Variants in NPAS3 observed in about 807,000 individuals in gnomAD.
NPAS3 encodes the protein neuronal PAS domain-containing protein 3.
A neutral mutation model predicts 73.1 loss-of-function variants in NPAS3; 14 were observed. That is an observed-to-expected ratio of 0.19 (90% CI 0.13 to 0.30). The LOEUF (loss-of-function observed/expected upper bound fraction) is 0.30. Among genes scored for constraint, NPAS3 ranks in the 10% least tolerant of loss-of-function variants. The pLI, the probability that NPAS3 is intolerant of heterozygous loss-of-function variation, is 1.00. For synonymous variants in NPAS3, 620 were observed against 541.5 expected (o/e 1.14, Z -2.01); for missense variants, 1,096 against 1,250.0 (o/e 0.88, Z 1.86).
At chr14:32,998,955 C>T (rs998030604) in intron 1 of NPAS3, among the ~76,000 whole-genome samples, 1 of 152,142 alleles carries the variant, frequency 6.6e-6, no homozygotes, top group Non-Finnish European at 1.5e-5. Context: ...GTGGCCCTGC[C>T]TCTTCCCATC....
intron 4 of NPAS3, among the ~76,000 whole-genome samples, chr14:33,511,411 T>G (rs2053044767): frequency 6.6e-6 from 1 of 152,078 alleles, no homozygotes; most frequent in Non-Finnish European, 1.5e-5. Context: ...AATTCAATTA[T>G]GAACTGTTTT....
intron 6 of NPAS3, among the ~76,000 whole-genome samples, chr14:33,688,891 G>A (rs2060160092): frequency 6.6e-6 from 1 of 152,216 alleles, no homozygotes; most frequent in Admixed American, 6.5e-5. Context: ...CAGTGCAGTG[G>A]TGGTAATCAG....
chr14:33,507,454 G>A (rs1348192800), intron 4 of NPAS3, among the ~76,000 whole-genome samples: 1 of 151,920 alleles, frequency 6.6e-6, no homozygotes, highest in Non-Finnish European at 1.5e-5. Context: ...GATCTTTTCA[G>A]TCTTTTTGAT....
At chr14:33,420,280 T>C (rs1220605510) in intron 4 of NPAS3, among the ~76,000 whole-genome samples, 4 of 151,994 alleles carry the variant, frequency 2.6e-5, no homozygotes, top group South Asian at 4.1e-4. Flanking sequence ...TCAGCCACCA[T>C]GTGTAGTATT....
At chr14:33,011,464 G>C (rs1177489587) in intron 1 of NPAS3, among the ~76,000 whole-genome samples, 2 of 152,106 alleles carry the variant, frequency 1.3e-5, no homozygotes, top group African/African-American at 2.4e-5. Flanking sequence ...GGATATGGAA[G>C]GAAATCAGAG....
At chr14:33,382,770 C>A (rs1051297358) in intron 4 of NPAS3, among the ~76,000 whole-genome samples, 2 of 152,088 alleles carry the variant, frequency 1.3e-5, no homozygotes, top group African/African-American at 4.8e-5. Context: ...AACAGAATAT[C>A]ATTTTCACAT....
At chr14:33,222,230 G>T (rs1199823846) in intron 3 of NPAS3, among the ~76,000 whole-genome samples, 1 of 152,176 alleles carries the variant, frequency 6.6e-6, no homozygotes, top group Non-Finnish European at 1.5e-5. Flanking sequence ...AGTCTTCCTA[G>T]ATTTTATGGC....
intron 1 of NPAS3, among the ~76,000 whole-genome samples, chr14:32,990,999 G>T (rs371162358): frequency 5.9e-5 from 9 of 151,804 alleles, no homozygotes; most frequent in Non-Finnish European, 1.3e-4. Context: ...TGTTCTTGGT[G>T]AAGTGTATTA....
intron 1 of NPAS3, among the ~76,000 whole-genome samples, chr14:33,050,722 G>A (rs2040673718): frequency 6.6e-6 from 1 of 152,144 alleles, no homozygotes; most frequent in Admixed American, 6.5e-5. Flanking sequence ...AGATCACAGT[G>A]CAAAACACAT....
chr14:33,328,530 G>A (rs1301918133), intron 3 of NPAS3, among the ~76,000 whole-genome samples: 7 of 116,510 alleles, frequency 6.0e-5, no homozygotes, highest in Admixed American at 1.1e-4. Flanking sequence ...GCAGTGGCGC[G>A]ATCTTGGCTC....
intron 2 of NPAS3, among the ~76,000 whole-genome samples, chr14:33,113,715 G>A (rs2042970986): frequency 6.6e-6 from 1 of 152,178 alleles, no homozygotes. Context: ...TTGAATAGGA[G>A]TGGTGAGAGA....
At chr14:33,409,554 T>C (rs988506466) in intron 4 of NPAS3, among the ~76,000 whole-genome samples, 2 of 152,184 alleles carry the variant, frequency 1.3e-5, no homozygotes, top group African/African-American at 4.8e-5. Flanking sequence ...AGAAAAAAAT[T>C]CATAGTATAA....
At chr14:33,269,721 C>T (rs1390474066) in intron 3 of NPAS3, among the ~76,000 whole-genome samples, 1 of 150,630 alleles carries the variant, frequency 6.6e-6, no homozygotes, top group African/African-American at 2.4e-5. Flanking sequence ...CAATGGCTGC[C>T]AATGCCAAAA....
chr14:33,204,870 A>G (rs1031166515), intron 2 of NPAS3, among the ~76,000 whole-genome samples: 1 of 152,244 alleles, frequency 6.6e-6, no homozygotes, highest in East Asian at 1.9e-4. Flanking sequence ...CTCAGGCCCT[A>G]CTATTGCAAA....
intron 2 of NPAS3, among the ~76,000 whole-genome samples, chr14:33,117,671 A>G (rs1315315961): frequency 6.6e-6 from 1 of 152,120 alleles, no homozygotes; most frequent in African/African-American, 2.4e-5. Flanking sequence ...CTGAGACAGA[A>G]CAAATATCTT....
chr14:33,608,439 A>C (rs1208608084), intron 5 of NPAS3: 1 of 152,188 alleles, frequency 6.6e-6, no homozygotes, highest in African/African-American at 2.4e-5. Flanking sequence ...GATATGCTCA[A>C]ACGTGGTTAT....
At chr14:33,354,902 C>T (rs1007537190) in intron 3 of NPAS3, among the ~76,000 whole-genome samples, 4 of 152,140 alleles carry the variant, frequency 2.6e-5, no homozygotes, top group Non-Finnish European at 5.9e-5. Flanking sequence ...GCAATAGCCA[C>T]GTTTTCAGCT....
At chr14:33,336,282 G>A (rs1244649369) in intron 3 of NPAS3, among the ~76,000 whole-genome samples, 1 of 152,190 alleles carries the variant, frequency 6.6e-6, no homozygotes, top group African/African-American at 2.4e-5. Context: ...TCTGTACAGG[G>A]TCTCACTGGG....
At chr14:33,642,323 G>A (rs912071818) in intron 5 of NPAS3, among the ~76,000 whole-genome samples, 1 of 152,108 alleles carries the variant, frequency 6.6e-6, no homozygotes, top group Non-Finnish European at 1.5e-5. Flanking sequence ...AGAGTTTATT[G>A]ATTGTTTTAA....
Sources: allele counts gnomAD v4.1 joint callset (sites outside exome capture counted in the v4.1 genomes callset), GRCh38; gene constraint gnomAD v4.1.1; transcripts MANE v1.5; gene names NCBI Gene and HGNC (gene_info 2026-07-23, HGNC 2026-07-21).